Variants in KIF2A observed in about 807,000 individuals in gnomAD.
KIF2A encodes kinesin family member 2A.
Under a neutral mutation model 100.2 loss-of-function variants are expected in KIF2A, and 22 were observed. The ratio of observed to expected loss-of-function variants is 0.22; its 90% confidence interval spans 0.16 to 0.31. The LOEUF (loss-of-function observed/expected upper bound fraction) is 0.31, where lower values mean the gene tolerates loss of function less well. Among genes scored for constraint, KIF2A ranks in the 10% least tolerant of loss-of-function variants. The pLI is 1.00. For missense variants in KIF2A, 495 were observed against 898.7 expected, an observed-to-expected ratio of 0.55 and a Z score of 5.74; for synonymous variants, 268 against 285.9, an observed-to-expected ratio of 0.94 and a Z score of 0.63.
At chr5:62,312,882 T>C (rs1561245019) in intron 1 of KIF2A, among the ~76,000 whole-genome samples, 1 of 152,226 alleles carries the variant, frequency 6.6e-6, no homozygotes, top group Non-Finnish European at 1.5e-5. Context: ...GAGGTTATAG[T>C]GCACTATGAT....
chr5:62,318,747 A>G (rs1422334221), intron 1 of KIF2A, among the ~76,000 whole-genome samples: 1 of 152,084 alleles, frequency 6.6e-6, no homozygotes, highest in Admixed American at 6.5e-5. Flanking sequence ...TACTTCTCAC[A>G]TAGTATTCTC....
chr5:62,347,021 A>G, intron 1 of KIF2A, 109 bp from the exon 2 acceptor site: 1 of 642,954 alleles, frequency 1.6e-6, no homozygotes, highest in Non-Finnish European at 2.7e-6. Flanking sequence ...TGTAAGGAAA[A>G]GTAGTGTCAT....
At chr5:62,373,922 G>A in intron 18 of KIF2A, 85 bp downstream of exon 18, 1 of 1,122,922 alleles carries the variant, frequency 8.9e-7, no homozygotes, top group Non-Finnish European at 1.3e-6. Flanking sequence ...ATTTAAATGA[G>A]GTGTCAGGCT....
In KIF2A at chr5:62,379,803, G is replaced by A. The variant is rs150362913; in HGVS notation, c.2014-1315G>A. 3.2e-3 allele frequency among the ~76,000 whole-genome samples: 482 copies of A among 152,206 alleles called. 4 individuals carry two copies. Among genetic ancestry groups the A allele is most frequent in the African/African-American group, 0.011 (456 of 41,512 alleles). ...TAGTCATTAAAGTCAATTGATGTTC[G>A]GAAAATTGAGATTGTATGCATCCTA... On this transcript the variant is annotated intron_variant, in intron 19 of 20. Coordinates refer to ENST00000407818, the MANE Select transcript of KIF2A (RefSeq NM_001098511.3).
chr5:62,372,395 C>A, intron 16 of KIF2A, 43 bp from the exon 17 acceptor site: 1 of 1,074,408 alleles, frequency 9.3e-7, no homozygotes, highest in Non-Finnish European at 1.4e-6. Flanking sequence ...TGCTGTCTTT[C>A]AAGAGCATTT....
At chr5:62,352,231 G>A (rs1747890125) in intron 4 of KIF2A, among the ~76,000 whole-genome samples, 1 of 151,674 alleles carries the variant, frequency 6.6e-6, no homozygotes, top group Non-Finnish European at 1.5e-5. Context: ...AAGACGTGGA[G>A]CGGTTTATAT....
In KIF2A at chr5:62,363,383, A is replaced by G. The variant is rs573194557; in HGVS notation, c.1262+63A>G. The G allele has an allele frequency of 9.4e-4, 1,352 of 1,439,580 alleles. 7 individuals carry two copies. The highest frequency in any genetic ancestry group is 1.2e-3 in the Non-Finnish European group (1,299 of 1,057,644). 89.2% of individuals were successfully genotyped at this position (1,439,580 alleles called of 1,614,324 possible). A position where few individuals can be genotyped will look rare whatever the true frequency, so the allele number is the denominator to read the frequency against. On this transcript the variant is annotated intron_variant, in intron 13 of 20. Coordinates refer to ENST00000407818, the MANE Select transcript of KIF2A (RefSeq NM_001098511.3). ...TTAGAAACTTTGGGTACAGTATAAC[A>G]AAATGAGGATGTTATCTATCAATAC... is the stretch of plus-strand genomic sequence containing the variant.
At chr5:62,341,523 A>G (rs1407216464) in intron 1 of KIF2A, among the ~76,000 whole-genome samples, 1 of 151,978 alleles carries the variant, frequency 6.6e-6, no homozygotes, top group Non-Finnish European at 1.5e-5. Flanking sequence ...CCTAGTCTCA[A>G]ACTCCTGGGC....
chr5:62,388,963 A>G lies in KIF2A; in HGVS notation c.*3394A>G, dbSNP rs1742163960. The G allele has an allele frequency of 6.5e-7, 1 of 1,549,036 alleles. No homozygotes were observed. Among genetic ancestry groups the G allele is most frequent in the Non-Finnish European group, 8.8e-7 (1 of 1,130,110 alleles). On this transcript the variant is annotated 3_prime_UTR_variant, in exon 21 of 21. Coordinates refer to ENST00000407818, the MANE Select transcript of KIF2A (RefSeq NM_001098511.3). ...TATCTTCTCAAATACAAAAAATACA[A>G]AATTCATTTCTTTTCTTGACCTTGA...
intron 16 of KIF2A, among the ~76,000 whole-genome samples, chr5:62,371,382 TTAG>T (rs1741318823): frequency 6.6e-6 from 1 of 152,170 alleles, no homozygotes; most frequent in Non-Finnish European, 1.5e-5. Flanking sequence ...AGAAAGACTG[TTAG>T]TAGAGGAAAC....
At chr5:62,312,305 A>G (rs1026867114) in intron 1 of KIF2A, among the ~76,000 whole-genome samples, 6 of 152,244 alleles carry the variant, frequency 3.9e-5, no homozygotes, top group African/African-American at 1.2e-4. Flanking sequence ...AGAAAACAGC[A>G]AAGAGCCAGT....
At chr5:62,341,595 C>T (rs893659588) in intron 1 of KIF2A, among the ~76,000 whole-genome samples, 1 of 152,152 alleles carries the variant, frequency 6.6e-6, no homozygotes, top group African/African-American at 2.4e-5. Flanking sequence ...AGCCACTGTG[C>T]CCAGCCTCCT....
chr5:62,320,858 A>G (rs1006999439), intron 1 of KIF2A, among the ~76,000 whole-genome samples: 6 of 152,076 alleles, frequency 3.9e-5, no homozygotes, highest in African/African-American at 1.4e-4. Context: ...TTGTACAATT[A>G]TTACCACTGT....
chr5:62,370,276 C>T (rs2111977663), intron 16 of KIF2A, among the ~76,000 whole-genome samples: 1 of 152,156 alleles, frequency 6.6e-6, no homozygotes, highest in East Asian at 1.9e-4. Context: ...CATCAGATGA[C>T]AATTAGAGAT....
chr5:62,371,156 T>G (rs946381158), intron 16 of KIF2A, among the ~76,000 whole-genome samples: 8 of 152,014 alleles, frequency 5.3e-5, no homozygotes, highest in Non-Finnish European at 8.8e-5. Flanking sequence ...TAGTCCCAGC[T>G]GAGGTGGGAG....
Position 62,335,477 on chromosome 5 carries a change from G to A in KIF2A, c.65-11653G>A, listed in dbSNP as rs564999229. Among the ~76,000 whole-genome samples the A allele has an allele frequency of 3.9e-5, 6 of 152,286 alleles. No individual in the cohort carries two copies. The East Asian group carries it at 1.2e-3, about 29-fold the overall frequency. On this transcript the variant is annotated intron_variant, in intron 1 of 20. Transcript: ENST00000407818. ...CGAAGGAGCCCAAAAATGAGAAAAA[G>A]CAAGGAGTTTGTTCAGGTGGCCCTT...
chr5:62,343,901 G>A (rs774626731), intron 1 of KIF2A, among the ~76,000 whole-genome samples: 1 of 152,144 alleles, frequency 6.6e-6, no homozygotes, highest in Non-Finnish European at 1.5e-5. Flanking sequence ...AGGAATGCCT[G>A]GACTTAAGAC....
intron 1 of KIF2A, among the ~76,000 whole-genome samples, chr5:62,339,671 T>A (rs910952391): frequency 4.0e-5 from 6 of 151,094 alleles, no homozygotes; most frequent in African/African-American, 1.5e-4. Flanking sequence ...AGATAAAATG[T>A]ATATTTGTGC....
intron 1 of KIF2A, among the ~76,000 whole-genome samples, chr5:62,325,272 C>A (rs531716856): frequency 6.6e-6 from 1 of 151,842 alleles, no homozygotes; most frequent in Admixed American, 6.6e-5. Flanking sequence ...CATAGGTGCC[C>A]GCCACTATGC....
Sources: allele counts gnomAD v4.1 joint callset (sites outside exome capture counted in the v4.1 genomes callset), GRCh38; gene constraint gnomAD v4.1.1; transcripts MANE v1.5; gene names NCBI Gene and HGNC (gene_info 2026-07-23, HGNC 2026-07-21).